The following ZFHX3 variants were observed in gnomAD, a reference collection of about 807,000 sequenced individuals.
ZFHX3 encodes zinc finger homeobox protein 3.
ZFHX3 carries 42 observed loss-of-function variants against 279.1 expected under a neutral mutation model. The ratio of observed to expected loss-of-function variants is 0.15; its 90% CI spans 0.12 to 0.19. The LOEUF (loss-of-function observed/expected upper bound fraction) is 0.19, where lower values mean the gene tolerates loss of function less well. Ranked by LOEUF, ZFHX3 falls within the 10% of genes least tolerant of loss-of-function variation. ZFHX3 has a pLI of 1.00. For missense variants in ZFHX3, 4,981 were observed against 4,754.0 expected (o/e 1.05, Z -1.40); for synonymous variants, 2,293 against 1,957.8 (o/e 1.17, Z -4.52).
At chr16:73,718,849 C>T (rs57766065) in intron 1 of ZFHX3, among the ~76,000 whole-genome samples, 8,820 of 151,998 alleles carry the variant, frequency 0.058, 635 homozygotes, top group African/African-American at 0.17. Context: ...CTCCTGACCT[C>T]GTGATCTGCC....
At chr16:73,409,764 G>A (rs2017429927) in intron 3 of ZFHX3, among the ~76,000 whole-genome samples, 1 of 152,162 alleles carries the variant, frequency 6.6e-6, no homozygotes, top group Non-Finnish European at 1.5e-5. Context: ...TAACACAATG[G>A]AGTACTATTC....
chr16:73,194,307 C>T (rs1968100265), intron 5 of ZFHX3, among the ~76,000 whole-genome samples: 1 of 152,138 alleles, frequency 6.6e-6, no homozygotes, highest in African/African-American at 2.4e-5. Context: ...TCAAGCAATC[C>T]TCCCACCACA....
intron 1 of ZFHX3, among the ~76,000 whole-genome samples, chr16:73,801,110 G>A (rs969661397): frequency 8.5e-5 from 13 of 152,142 alleles, no homozygotes; most frequent in African/African-American, 3.1e-4. Context: ...TGTACCAGGT[G>A]CCTTCTATTT....
At chr16:73,730,352 C>CAAAAAAAAAAAA (rs66477968) in intron 1 of ZFHX3, among the ~76,000 whole-genome samples, 1 of 81,164 alleles carries the variant, frequency 1.2e-5, no homozygotes, top group African/African-American at 5.1e-5. Context: ...CCTCCCCTCG[C>CAAAAAAAAAAAA]AAAAAAAAAA....
At chr16:73,553,816 C>T (rs1412058844) in intron 2 of ZFHX3, among the ~76,000 whole-genome samples, 1 of 152,106 alleles carries the variant, frequency 6.6e-6, no homozygotes, top group African/African-American at 2.4e-5. Flanking sequence ...AGGTGCCAGG[C>T]CTAGGGTTTC....
intron 1 of ZFHX3, among the ~76,000 whole-genome samples, chr16:73,782,735 A>G (rs903200218): frequency 3.3e-5 from 5 of 152,316 alleles, no homozygotes; most frequent in South Asian, 2.1e-4. Flanking sequence ...CTTGTCTGCA[A>G]TAAAGGAAAT....
At chr16:73,280,714 C>T (rs1230342456) in intron 4 of ZFHX3, among the ~76,000 whole-genome samples, 5 of 151,948 alleles carry the variant, frequency 3.3e-5, no homozygotes, top group Admixed American at 6.6e-5. Context: ...CATGGTGGCT[C>T]ACAAAGTTCT....
chr16:73,762,692 A>G (rs962217733), intron 1 of ZFHX3, among the ~76,000 whole-genome samples: 2 of 152,136 alleles, frequency 1.3e-5, no homozygotes, highest in African/African-American at 4.8e-5. Context: ...TGGATGGAGC[A>G]AGAAGCCATT....
intron 3 of ZFHX3, among the ~76,000 whole-genome samples, chr16:72,905,979 C>G (rs1168140778): frequency 1.3e-5 from 2 of 152,160 alleles, no homozygotes; most frequent in African/African-American, 4.8e-5. Context: ...ACTCTCCATT[C>G]TAGGACCTAG....
intron 3 of ZFHX3, among the ~76,000 whole-genome samples, chr16:73,321,376 A>G (rs2143197468): frequency 6.6e-6 from 1 of 152,328 alleles, no homozygotes; most frequent in Non-Finnish European, 1.5e-5. Flanking sequence ...AAATGGGGTC[A>G]CAGCAGTACC....
At chr16:73,273,935 G>C (rs2014223934) in intron 4 of ZFHX3, among the ~76,000 whole-genome samples, 1 of 152,162 alleles carries the variant, frequency 6.6e-6, no homozygotes, top group African/African-American at 2.4e-5. Context: ...CCGAGGTCAG[G>C]AGTTTGAGAC....
intron 4 of ZFHX3, among the ~76,000 whole-genome samples, chr16:72,863,943 C>T (rs1414590972): frequency 1.3e-5 from 2 of 152,002 alleles, no homozygotes; most frequent in Non-Finnish European, 2.9e-5. Context: ...GGTGAAACCC[C>T]GTCTCTACTA....
intron 1 of ZFHX3, among the ~76,000 whole-genome samples, chr16:73,793,126 G>C (rs1028476472): frequency 6.6e-6 from 1 of 152,174 alleles, no homozygotes; most frequent in Admixed American, 6.5e-5. Context: ...TTGGTTCTCA[G>C]CCCTCCTGTG....
intron 3 of ZFHX3, among the ~76,000 whole-genome samples, chr16:73,348,536 C>T (rs906181640): frequency 4.6e-5 from 7 of 152,204 alleles, no homozygotes; most frequent in Non-Finnish European, 7.3e-5. Context: ...GATGTTTCCA[C>T]GGGCGTTTCT....
At chr16:73,686,277 G>C (rs1045868363) in intron 1 of ZFHX3, among the ~76,000 whole-genome samples, 1 of 152,038 alleles carries the variant, frequency 6.6e-6, no homozygotes, top group South Asian at 2.1e-4. Context: ...TGTATTTTTA[G>C]TAGAGACAGG....
chr16:72,896,486 A>C (rs142416347), intron 3 of ZFHX3, among the ~76,000 whole-genome samples: 2 of 152,292 alleles, frequency 1.3e-5, no homozygotes, highest in East Asian at 3.9e-4. Context: ...CACAAAAAGC[A>C]AACTAATCAT....
intron 1 of ZFHX3, chr16:72,973,631 C>A (rs1432071213): frequency 6.6e-6 from 1 of 152,296 alleles, no homozygotes; most frequent in Non-Finnish European, 1.5e-5. Flanking sequence ...GTAATCCCAG[C>A]ACTTTGGGAG....
chr16:73,265,078 C>CAT (rs143539675), intron 4 of ZFHX3, among the ~76,000 whole-genome samples: 7 of 145,982 alleles, frequency 4.8e-5, no homozygotes, highest in Admixed American at 1.4e-4. Flanking sequence ...CGCATATATG[C>CAT]GTGTGTGTGT....
In ZFHX3 at chr16:72,787,734, GCCA is replaced by G. The variant is rs1567506504; in HGVS notation, c.10539_10541del (p.Gly3527del). On this transcript the variant is annotated inframe_deletion, in exon 10 of 10. Coordinates refer to ENST00000268489, the MANE Select transcript of ZFHX3 (RefSeq NM_006885.4). ...CGCCGCCGCCACCGCCGCCGCCGCC[GCCA>G]CTGCCACCGCCGCCGCCGCCGGTGG... 7.2e-7 allele frequency: 1 copy of G among 1,387,250 alleles called. No homozygotes were observed. Among genetic ancestry groups the G allele is most frequent in the East Asian group, 2.9e-5 (1 of 34,654 alleles). The allele number at this position is 1,387,250 out of a possible 1,614,324, so 85.9% of individuals were successfully genotyped here.
Sources: allele counts gnomAD v4.1 joint callset (sites outside exome capture counted in the v4.1 genomes callset), GRCh38; gene constraint gnomAD v4.1.1; transcripts MANE v1.5; gene names NCBI Gene and HGNC (gene_info 2026-07-23, HGNC 2026-07-21).